Variants in ECT2L observed in about 807,000 individuals in gnomAD.
The protein encoded by ECT2L is epithelial cell-transforming sequence 2 oncogene-like.
ECT2L carries 126 observed loss-of-function variants against 122.8 expected under a neutral mutation model. The observed-to-expected ratio is 1.03, with a 90% CI of 0.89 to 1.19. The LOEUF is 1.19. Among genes scored for constraint, ECT2L ranks in the 50% most tolerant of loss-of-function variants. The pLI, the probability that ECT2L is intolerant of heterozygous loss-of-function variation, is 0.00. For synonymous variants in ECT2L, 385 were observed against 381.8 expected (o/e 1.01, Z -0.10); for missense variants, 1,012 against 1,064.1 (o/e 0.95, Z 0.68).
At position 138,869,036 on chromosome 6, in the gene ECT2L, G is replaced by A. The variant is rs6935100; in HGVS notation, c.1578+830G>A. 2.2e-3 allele frequency among the ~76,000 whole-genome samples: 331 copies of A among 152,196 alleles called. 1 individual carries two copies. The highest frequency in any genetic ancestry group is 7.9e-3 in the African/African-American group (326 of 41,526). On this transcript the variant is annotated intron_variant, in intron 13 of 21. Coordinates refer to ENST00000541398, the MANE Select transcript of ECT2L (RefSeq NM_001077706.3). ...ACAAAAACTAGCCGGGCATGGTGGC[G>A]GGCACCTGTAATCCCAGCTGCTCAG...
chr6:138,864,687 C>G (rs899913771), intron 11 of ECT2L, among the ~76,000 whole-genome samples: 5 of 152,226 alleles, frequency 3.3e-5, no homozygotes, highest in African/African-American at 1.2e-4. Flanking sequence ...GTGCATTCTT[C>G]CTCAGATGAC....
Position 138,849,353 on chromosome 6 carries a change from GA to G in ECT2L, c.993del (p.Ala332LeufsTer35). 6.2e-7 allele frequency: 1 copy of G among 1,614,040 alleles called. No individual in the cohort carries two copies. The highest frequency in any genetic ancestry group is 8.5e-7 in the Non-Finnish European group (1 of 1,180,010). ...VTLESLLYLI[E>X]KALDGQKAQS... ...CTTGGAAAGCCTTCTGTATCTTATA[GA>G]AAAAGCTCTGGATGGGCAGAAGGCA... On this transcript the variant is annotated frameshift_variant, in exon 9 of 22. Coordinates refer to ENST00000541398, the MANE Select transcript of ECT2L (RefSeq NM_001077706.3). LOFTEE classifies it high-confidence loss of function.
At chr6:138,834,867 G>T (rs72987065) in intron 4 of ECT2L, among the ~76,000 whole-genome samples, 1 of 150,182 alleles carries the variant, frequency 6.7e-6, no homozygotes, top group Non-Finnish European at 1.5e-5. Context: ...TACCAGTACA[G>T]GCCCGGCTCC....
chr6:138,848,818 TA>T lies in ECT2L; in HGVS notation c.904-449del, dbSNP rs1485913171. 5.9e-5 allele frequency among the ~76,000 whole-genome samples: 9 copies of T among 152,210 alleles called. 1 individual carries two copies. Among genetic ancestry groups the T allele is most frequent in the African/African-American group, 1.7e-4 (7 of 41,464 alleles). ...ACAGCTACACGCCACCACACCCACC[TA>T]ATTTTTGTATTTTTTGTAGAGACAG... On this transcript the variant is annotated intron_variant, in intron 8 of 21. Transcript: ENST00000541398.
intron 4 of ECT2L, chr6:138,822,611 T>C (rs1297966168): frequency 3.0e-6 from 2 of 657,326 alleles, no homozygotes; most frequent in Admixed American, 6.2e-5. Flanking sequence ...GAAAAAGGAC[T>C]GGGTCAGCAA....
At chr6:138,807,462 T>G (rs1775750532) in intron 1 of ECT2L, among the ~76,000 whole-genome samples, 1 of 152,168 alleles carries the variant, frequency 6.6e-6, no homozygotes, top group South Asian at 2.1e-4. Flanking sequence ...GTAACAGTGT[T>G]ACTAACTTTC....
chr6:138,874,382 T>C (rs1778368308), intron 13 of ECT2L, among the ~76,000 whole-genome samples: 1 of 152,226 alleles, frequency 6.6e-6, no homozygotes. Context: ...CATCGGAATC[T>C]AAAATTAAGC....
chr6:138,856,764 T>C (rs955451600), intron 10 of ECT2L, among the ~76,000 whole-genome samples: 1 of 152,242 alleles, frequency 6.6e-6, no homozygotes, highest in Non-Finnish European at 1.5e-5. Context: ...GAATAAGTGA[T>C]ACAACCGTTC....
intron 1 of ECT2L, among the ~76,000 whole-genome samples, chr6:138,808,495 T>A (rs962826191): frequency 3.3e-5 from 5 of 152,178 alleles, no homozygotes; most frequent in Non-Finnish European, 5.9e-5. Context: ...GTAATCCTCC[T>A]GCCTCTGCCC....
chr6:138,849,233 G>T, intron 8 of ECT2L, 36 bp from the exon 9 acceptor site: 1 of 1,481,584 alleles, frequency 6.7e-7, no homozygotes, highest in Non-Finnish European at 9.0e-7. Flanking sequence ...TAAAATAGTG[G>T]GTCTTGGCTC....
Position 138,818,374 on chromosome 6 carries a change from C to T in ECT2L, c.179+3771C>T, listed in dbSNP as rs538432650. Among the ~76,000 whole-genome samples, 189 of 152,242 alleles carry T rather than the reference C, an allele frequency of 1.2e-3. 1 individual carries two copies. The highest frequency in any genetic ancestry group is 3.8e-3 in the African/African-American group (159 of 41,558). ...ATTACCCCCTCTTCCATTCTTCCCA[C>T]GCAGCCTGTGAGGGCTCACTTGAGG... On this transcript the variant is annotated intron_variant, in intron 4 of 21. Coordinates refer to ENST00000541398, the MANE Select transcript of ECT2L (RefSeq NM_001077706.3).
At chr6:138,849,573 C>CTT (rs761157171) in intron 9 of ECT2L, 139 bp downstream of exon 9, 298 of 509,586 alleles carry the variant, frequency 5.8e-4, no homozygotes, top group South Asian at 6.9e-4. Flanking sequence ...AAAAGCGAAG[C>CTT]TTTTTTTTTT....
At chr6:138,896,055 T>C (rs1357382587) in intron 20 of ECT2L, among the ~76,000 whole-genome samples, 2 of 149,080 alleles carry the variant, frequency 1.3e-5, no homozygotes, top group Non-Finnish European at 3.0e-5. Flanking sequence ...ACTTCTGTAT[T>C]ATCGTTTTTT....
At chr6:138,875,387 G>A (rs1188854) in intron 13 of ECT2L, among the ~76,000 whole-genome samples, 143,535 of 152,328 alleles carry the variant, frequency 0.94, 67,698 homozygotes, top group East Asian at 1. Flanking sequence ...AAGGAGCCTT[G>A]GTTACAAATT....
At chr6:138,833,525 T>C (rs983028503) in intron 4 of ECT2L, among the ~76,000 whole-genome samples, 11 of 152,154 alleles carry the variant, frequency 7.2e-5, no homozygotes, top group Non-Finnish European at 2.9e-5. Context: ...ATGCCTATGG[T>C]TCCCCTTGCC....
intron 21 of ECT2L, among the ~76,000 whole-genome samples, chr6:138,901,649 T>C (rs1227916977): frequency 1.3e-5 from 2 of 152,180 alleles, no homozygotes; most frequent in African/African-American, 2.4e-5. Context: ...AATAGAAATA[T>C]CATTTTGTCA....
chr6:138,848,854 C>T (rs1361985372), intron 8 of ECT2L, among the ~76,000 whole-genome samples: 2 of 152,214 alleles, frequency 1.3e-5, no homozygotes, highest in Admixed American at 6.5e-5. Context: ...GGGGTTTCCT[C>T]ATGTTGCCCA....
At chr6:138,836,436 A>G (rs913570678) in intron 4 of ECT2L, among the ~76,000 whole-genome samples, 1 of 151,632 alleles carries the variant, frequency 6.6e-6, no homozygotes, top group Non-Finnish European at 1.5e-5. Flanking sequence ...TTACAAGCGT[A>G]CACCACCATG....
At chr6:138,808,121 A>T (rs984595627) in intron 1 of ECT2L, among the ~76,000 whole-genome samples, 1 of 152,060 alleles carries the variant, frequency 6.6e-6, no homozygotes, top group Non-Finnish European at 1.5e-5. Context: ...AATAGATTAG[A>T]AGAATCAATA....
Sources: allele counts gnomAD v4.1 joint callset (sites outside exome capture counted in the v4.1 genomes callset), GRCh38; gene constraint gnomAD v4.1.1; transcripts MANE v1.5; gene names NCBI Gene and HGNC (gene_info 2026-07-23, HGNC 2026-07-21).